Variants in LRP1B observed in about 807,000 individuals in gnomAD.
The protein encoded by LRP1B is low-density lipoprotein receptor-related protein 1B.
A neutral mutation model predicts 556.6 loss-of-function variants in LRP1B; 217 were observed. The observed-to-expected ratio is 0.39, with a 90% CI of 0.35 to 0.44. The LOEUF is 0.44. LRP1B is among the 20% of genes least tolerant of loss of function. LRP1B has a pLI of 1.00. For synonymous variants in LRP1B, 2,047 were observed against 1,865.8 expected, an observed-to-expected ratio of 1.10 and a Z score of -2.50; for missense variants, 5,053 against 5,620.8, an observed-to-expected ratio of 0.90 and a Z score of 3.23.
intron 3 of LRP1B, among the ~76,000 whole-genome samples, chr2:141,332,640 A>G (rs908418954): frequency 4.8e-4 from 72 of 151,024 alleles, no homozygotes; most frequent in African/African-American, 1.7e-3. Context: ...TTGAAAATGG[A>G]TGGGTCAAAG....
chr2:140,620,788 T>A (rs1372353343), intron 41 of LRP1B, among the ~76,000 whole-genome samples: 1 of 152,096 alleles, frequency 6.6e-6, no homozygotes, highest in Non-Finnish European at 1.5e-5. Context: ...AAACAAGTAT[T>A]AAATTTCCTT....
intron 2 of LRP1B, among the ~76,000 whole-genome samples, chr2:141,573,970 A>G (rs966758721): frequency 2.6e-5 from 4 of 152,154 alleles, no homozygotes; most frequent in Admixed American, 6.5e-5. Flanking sequence ...TACCAACAAA[A>G]AAAACCCAGG....
intron 2 of LRP1B, among the ~76,000 whole-genome samples, chr2:141,526,760 C>T (rs1204879155): frequency 2.0e-5 from 3 of 152,026 alleles, no homozygotes; most frequent in African/African-American, 7.2e-5. Context: ...CACCACTACA[C>T]TTAATGCTTT....
intron 1 of LRP1B, among the ~76,000 whole-genome samples, chr2:141,903,224 A>C (rs7578697): frequency 0.86 from 130,332 of 151,658 alleles, 56,220 homozygotes; most frequent in East Asian, 1. Flanking sequence ...ATTAATTCTC[A>C]AACATCCCTA....
chr2:142,089,099 A>T (rs1460215375), intron 1 of LRP1B, among the ~76,000 whole-genome samples: 1 of 152,200 alleles, frequency 6.6e-6, no homozygotes, highest in Non-Finnish European at 1.5e-5. Context: ...CACTGGAAAT[A>T]CATTAATAAG....
intron 1 of LRP1B, among the ~76,000 whole-genome samples, chr2:141,827,898 T>A (rs947107287): frequency 2.0e-5 from 3 of 152,008 alleles, no homozygotes; most frequent in Non-Finnish European, 2.9e-5. Flanking sequence ...TTTAGACATA[T>A]ATTTATATAC....
At chr2:141,328,611 A>T (rs189831414) in intron 3 of LRP1B, among the ~76,000 whole-genome samples, 1 of 152,334 alleles carries the variant, frequency 6.6e-6, no homozygotes. Flanking sequence ...CTCTACTTCA[A>T]GGTATTCTGC....
chr2:140,467,383 C>T (rs1307568891), intron 60 of LRP1B, among the ~76,000 whole-genome samples: 1 of 151,594 alleles, frequency 6.6e-6, no homozygotes, highest in African/African-American at 2.4e-5. Flanking sequence ...GTGGGTGGAG[C>T]ACTTGAGGTC....
At chr2:142,066,236 C>G (rs568722811) in intron 1 of LRP1B, among the ~76,000 whole-genome samples, 1 of 151,014 alleles carries the variant, frequency 6.6e-6, no homozygotes, top group East Asian at 2.0e-4. Context: ...CATTATGTGC[C>G]ATTAAAGTAA....
intron 20 of LRP1B, among the ~76,000 whole-genome samples, chr2:140,948,413 T>C (rs968838780): frequency 4.6e-5 from 7 of 152,192 alleles, no homozygotes; most frequent in Admixed American, 3.9e-4. Context: ...TCAATATTAA[T>C]GATAGGCAAA....
intron 7 of LRP1B, among the ~76,000 whole-genome samples, chr2:141,132,845 C>T (rs1229740360): frequency 6.6e-6 from 1 of 151,736 alleles, no homozygotes; most frequent in African/African-American, 2.4e-5. Flanking sequence ...ATTTTTTAAA[C>T]CTCCTAGAAA....
chr2:142,046,969 T>A (rs1193122456), intron 1 of LRP1B, among the ~76,000 whole-genome samples: 1 of 152,026 alleles, frequency 6.6e-6, no homozygotes, highest in Non-Finnish European at 1.5e-5. Context: ...GTTAACTAAC[T>A]TGGCCAATAT....
At chr2:142,001,453 T>C (rs905688029) in intron 1 of LRP1B, among the ~76,000 whole-genome samples, 9 of 152,194 alleles carry the variant, frequency 5.9e-5, no homozygotes, top group African/African-American at 1.9e-4. Flanking sequence ...ATTGCTTTGC[T>C]TCATAGTTCC....
chr2:140,671,742 A>G (rs1274371279), intron 41 of LRP1B, among the ~76,000 whole-genome samples: 1 of 152,060 alleles, frequency 6.6e-6, no homozygotes, highest in Non-Finnish European at 1.5e-5. Context: ...TATTTTTTCC[A>G]TCTCAATATC....
At chr2:140,770,317 C>A (rs1689266890) in intron 34 of LRP1B, among the ~76,000 whole-genome samples, 1 of 151,824 alleles carries the variant, frequency 6.6e-6, no homozygotes, top group African/African-American at 2.4e-5. Context: ...AAGATTGGAA[C>A]ATTTTTAACG....
intron 2 of LRP1B, among the ~76,000 whole-genome samples, chr2:141,730,337 G>A (rs1379353123): frequency 6.6e-5 from 10 of 152,114 alleles, no homozygotes; most frequent in Non-Finnish European, 4.4e-5. Context: ...GATTCAAACT[G>A]CATTGAGGAG....
At chr2:141,623,645 C>A (rs1280676109) in intron 2 of LRP1B, among the ~76,000 whole-genome samples, 1 of 152,018 alleles carries the variant, frequency 6.6e-6, no homozygotes, top group Non-Finnish European at 1.5e-5. Context: ...AACAAGCAAG[C>A]AAAATGATAC....
intron 83 of LRP1B, among the ~76,000 whole-genome samples, chr2:140,306,795 G>A (rs1684086877): frequency 6.6e-6 from 1 of 151,940 alleles, no homozygotes; most frequent in African/African-American, 2.4e-5. Context: ...TGGGCATTTA[G>A]TGCTATAAAT....
chr2:141,044,319 A>G (rs1014404694), intron 11 of LRP1B, among the ~76,000 whole-genome samples: 2 of 151,818 alleles, frequency 1.3e-5, no homozygotes, highest in East Asian at 1.9e-4. Context: ...TAAAAACCCT[A>G]GAAAAAAACC....
Sources: gnomAD v4.1 joint callset for allele counts (sites outside exome capture counted in the v4.1 genomes callset) on GRCh38, gnomAD v4.1.1 for gene constraint, MANE v1.5 for transcripts, NCBI Gene and HGNC (gene_info 2026-07-23, HGNC 2026-07-21) for gene names.